DNMT1: variants seen among roughly 807,000 people sequenced by gnomAD.
The protein encoded by DNMT1 is DNA (cytosine-5)-methyltransferase 1.
Under a neutral mutation model 205.3 loss-of-function variants are expected in DNMT1, and 24 were observed. The observed-to-expected ratio is 0.12, with a 90% CI of 0.08 to 0.16. The LOEUF is 0.16. Ranked by LOEUF, DNMT1 falls within the 10% of genes least tolerant of loss-of-function variation. DNMT1 has a pLI of 1.00. For synonymous variants in DNMT1, 817 were observed against 839.8 expected (o/e 0.97, Z 0.47); for missense variants, 1,293 against 2,177.7 (o/e 0.59, Z 8.09).
Position 10,155,069 on chromosome 19 carries a change from G to A in DNMT1, c.1493-13C>T, listed in dbSNP as rs779747898. The A allele has an allele frequency of 6.2e-7, 1 of 1,613,986 alleles. No homozygotes were observed. Among genetic ancestry groups the A allele is most frequent in the Admixed American group, 1.7e-5 (1 of 60,018 alleles). ...TATTCGGCAAATGCTGGGGTGAACAGAGGAGGTGTGGAAAAGGGGCTGGAA... is the reference window on the plus strand; with the variant it reads ...TATTCGGCAAATGCTGGGGTGAACAAAGGAGGTGTGGAAAAGGGGCTGGAA... On this transcript the variant is annotated splice_polypyrimidine_tract_variant and intron_variant, in intron 19 of 40. Transcript: ENST00000359526.
intron 5 of DNMT1, among the ~76,000 whole-genome samples, chr19:10,177,786 A>C (rs991191745): frequency 2.0e-5 from 3 of 152,060 alleles, no homozygotes; most frequent in Non-Finnish European, 2.9e-5. Flanking sequence ...CAAAAAAATT[A>C]GCTGGGCGTG....
At position 10,173,914 on chromosome 19, in the gene DNMT1, A is replaced by G. The variant is rs769152965; in HGVS notation, c.649-9T>C. 6.2e-7 allele frequency: 1 copy of G among 1,613,738 alleles called. No homozygotes were observed. The highest frequency in any genetic ancestry group is 8.5e-7 in the Non-Finnish European group (1 of 1,179,702). ...CTACGTCTCTTCTCATCCTGTGTGGAGGGAAGGAAGAACAAAAAAGATTAG... is the reference window on the plus strand; with the variant it reads ...CTACGTCTCTTCTCATCCTGTGTGGGGGGAAGGAAGAACAAAAAAGATTAG... On this transcript the variant is annotated splice_polypyrimidine_tract_variant and intron_variant, in intron 7 of 40. Transcript: ENST00000359526.
intron 7 of DNMT1, among the ~76,000 whole-genome samples, chr19:10,174,811 T>C (rs537661252): frequency 2.6e-5 from 4 of 151,308 alleles, no homozygotes; most frequent in Admixed American, 1.3e-4. Context: ...GGCGGGCAGA[T>C]TGCCTAAGCT....
intron 2 of DNMT1, among the ~76,000 whole-genome samples, chr19:10,181,353 G>C (rs989179996): frequency 2.0e-5 from 3 of 152,030 alleles, no homozygotes; most frequent in African/African-American, 7.2e-5. Context: ...AGGAGGCTGA[G>C]TGGGAAAATC....
intron 7 of DNMT1, among the ~76,000 whole-genome samples, chr19:10,175,246 T>C (rs2038917109): frequency 6.6e-6 from 1 of 151,982 alleles, no homozygotes; most frequent in Non-Finnish European, 1.5e-5. Context: ...CACAATCTTG[T>C]GAGCCAATTT....
intron 1 of DNMT1, chr19:10,184,357 G>A (rs949041166): frequency 6.6e-6 from 1 of 152,132 alleles, no homozygotes; most frequent in African/African-American, 2.4e-5. Flanking sequence ...TAGAGGAGGT[G>A]GCTGGCGCCT....
chr19:10,168,755 T>C (rs541232231), intron 9 of DNMT1, among the ~76,000 whole-genome samples: 9 of 152,322 alleles, frequency 5.9e-5, no homozygotes, highest in Admixed American at 1.3e-4. Context: ...CTACTTCCGA[T>C]ATTAAAGGAA....
chr19:10,162,546 AG>A, intron 13 of DNMT1, 120 bp downstream of exon 13: 1 of 1,021,704 alleles, frequency 9.8e-7, no homozygotes, highest in Non-Finnish European at 1.4e-6. Flanking sequence ...CTGGGATTAC[AG>A]GCGTGCGCCA....
intron 1 of DNMT1, among the ~76,000 whole-genome samples, chr19:10,192,606 A>G (rs2039323934): frequency 6.6e-6 from 1 of 152,048 alleles, no homozygotes; most frequent in African/African-American, 2.4e-5. Flanking sequence ...TACAAAATAA[A>G]AAAAAGGAAT....
chr19:10,148,389 A>T (rs1016009311), intron 27 of DNMT1, among the ~76,000 whole-genome samples: 1 of 150,590 alleles, frequency 6.6e-6, no homozygotes, highest in Admixed American at 6.6e-5. Context: ...CCAGCAACTC[A>T]GGAGGCTGAG....
At chr19:10,166,191 G>C (rs2038689680) in intron 11 of DNMT1, among the ~76,000 whole-genome samples, 1 of 152,182 alleles carries the variant, frequency 6.6e-6, no homozygotes. Context: ...ACTAGACTGG[G>C]GAGGCTGGCA....
At chr19:10,183,262 T>G (rs1193628629) in intron 1 of DNMT1, among the ~76,000 whole-genome samples, 46 of 151,670 alleles carry the variant, frequency 3.0e-4, no homozygotes, top group Non-Finnish European at 1.5e-5. Flanking sequence ...ATTACAGGCA[T>G]GCACCACCAC....
At chr19:10,152,758 TCAACAACAA>T (rs372179811) in intron 22 of DNMT1, among the ~76,000 whole-genome samples, 17 of 150,752 alleles carry the variant, frequency 1.1e-4, no homozygotes, top group African/African-American at 3.2e-4. Context: ...GAGACCCATC[TCAACAACAA>T]CAACAACAAC....
intron 8 of DNMT1, 36 bp from the exon 9 acceptor site, chr19:10,173,210 T>A: frequency 6.2e-7 from 1 of 1,608,172 alleles, no homozygotes; most frequent in Non-Finnish European, 8.5e-7. Flanking sequence ...CAAGTGTGAG[T>A]GCCAGGAGCT....
intron 8 of DNMT1, among the ~76,000 whole-genome samples, chr19:10,173,601 TCTGACTCAGCCTC>T (rs1300498005): frequency 6.6e-6 from 1 of 151,848 alleles, no homozygotes; most frequent in Non-Finnish European, 1.5e-5. Flanking sequence ...AAGCAATCCT[TCTGACTCAGCCTC>T]CTGAGTAGCT....
At chr19:10,135,278 A>ATG (rs1309002763) in intron 39 of DNMT1, among the ~76,000 whole-genome samples, 1 of 151,864 alleles carries the variant, frequency 6.6e-6, no homozygotes, top group Non-Finnish European at 1.5e-5. Context: ...GAGGGGTGAA[A>ATG]TGTGGTTTTC....
chr19:10,177,470 G>T, intron 5 of DNMT1, 103 bp from the exon 6 acceptor site: 4 of 1,161,104 alleles, frequency 3.4e-6, no homozygotes, highest in Non-Finnish European at 3.7e-6. Flanking sequence ...ATTGCAGGAA[G>T]CCAGGTTCTA....
chr19:10,168,048 G>A (rs1183028995), intron 10 of DNMT1, among the ~76,000 whole-genome samples: 8 of 151,984 alleles, frequency 5.3e-5, no homozygotes, highest in Non-Finnish European at 1.0e-4. Flanking sequence ...GCTTGAGCCC[G>A]GGAGGTGGGG....
intron 10 of DNMT1, among the ~76,000 whole-genome samples, chr19:10,167,948 C>A (rs1452628232): frequency 6.6e-6 from 1 of 151,960 alleles, no homozygotes; most frequent in African/African-American, 2.4e-5. Context: ...TATGGTGAAA[C>A]CCTGTCTCTA....
Sources: gnomAD v4.1 joint callset for allele counts (sites outside exome capture counted in the v4.1 genomes callset) on GRCh38, gnomAD v4.1.1 for gene constraint, MANE v1.5 for transcripts, NCBI Gene and HGNC (gene_info 2026-07-23, HGNC 2026-07-21) for gene names.